The following SH2D3C variants were observed in gnomAD, a reference collection of about 807,000 sequenced individuals.
SH2D3C encodes SH2 domain containing 3C, also known as SH2 domain-containing protein 3C.
A neutral mutation model predicts 75.2 loss-of-function variants in SH2D3C; 25 were observed. That is an observed-to-expected ratio of 0.33 (90% confidence interval 0.24 to 0.46). SH2D3C has a LOEUF of 0.46. SH2D3C is among the 20% of genes least tolerant of loss of function. The pLI, the probability that SH2D3C is intolerant of heterozygous loss-of-function variation, is 1.00. For missense variants in SH2D3C, 933 were observed against 1,165.3 expected, an observed-to-expected ratio of 0.80 and a Z score of 2.90; for synonymous variants, 450 against 473.7, an observed-to-expected ratio of 0.95 and a Z score of 0.65.
At position 127,771,190 on chromosome 9, in the gene SH2D3C, G is replaced by C. The variant is rs367582465; in HGVS notation, c.515+2800C>G. On this transcript the variant is annotated intron_variant, in intron 2 of 11. Transcript: ENST00000314830. Reference sequence around the variant, plus strand: ...AGGCCCAGCTCGGTCACTCACCCTCGGGACCCCAGCGCGGGGCACCTTCGG... The same window carrying C: ...AGGCCCAGCTCGGTCACTCACCCTCCGGACCCCAGCGCGGGGCACCTTCGG... 3 of 1,542,954 alleles carry C rather than the reference G, an allele frequency of 1.9e-6. No homozygotes were observed. In the African/African-American group the frequency reaches 4.1e-5, roughly 21 times the overall value.
Position 127,742,953 on chromosome 9 carries a change from T to G in SH2D3C, c.1812A>C (p.Ile604=), listed in dbSNP as rs191866782. The change falls in exon 8 of 12, where the codon ATA becomes ATC. Residue 604 remains isoleucine (I), a synonymous_variant. Coordinates refer to ENST00000314830, the MANE Select transcript of SH2D3C (RefSeq NM_170600.3). Reference sequence around the variant, plus strand: ...TCTGCATCTCCTTGGTAACGCCCAGTATCCTAGCAACCTGCAAAGACGCCC... The same window carrying G: ...TCTGCATCTCCTTGGTAACGCCCAGGATCCTAGCAACCTGCAAAGACGCCC... ...VTKVDCLVAR[I]LGVTKEMQTL... The G allele has an allele frequency of 6.2e-7, 1 of 1,613,380 alleles. No individual in the cohort carries two copies. Among genetic ancestry groups the G allele is most frequent in the Admixed American group, 1.7e-5 (1 of 59,990 alleles).
At chr9:127,744,510 C>T (rs1282441964) in intron 7 of SH2D3C, 54 bp downstream of exon 7, 79 of 1,543,568 alleles carry the variant, frequency 5.1e-5, no homozygotes, top group Non-Finnish European at 4.4e-6. Flanking sequence ...TCTCACTGCC[C>T]TGCCCCACAG....
intron 2 of SH2D3C, among the ~76,000 whole-genome samples, chr9:127,764,718 T>C (rs575532334): frequency 3.3e-5 from 5 of 152,302 alleles, no homozygotes; most frequent in East Asian, 1.9e-4. Context: ...GTTGTTGTTG[T>C]TGCTGTTGAG....
Position 127,774,180 on chromosome 9 carries a change from C to T in SH2D3C, c.325G>A (p.Gly109Arg), listed in dbSNP as rs375857347. ...EAGPKPNLVP[G>R]GVPDPPGLEA... ...AAGCCTGGGGGGTCGGGTACACCTC[C>T]GGGTACCAAGTTGGGCTTGGGACCC... Residue 109 changes from glycine (G) to arginine (R), a missense_variant, in exon 2 of 12, where the codon GGA becomes AGA. By Grantham distance (125) the Gly-to-Arg change is moderately radical. Transcript: ENST00000314830. This position sits in a 1 kb window ranked among gnomAD's most constrained non-coding sequence, Gnocchi z 4.3. 1.6e-5 allele frequency: 26 copies of T among 1,613,814 alleles called. No homozygotes were observed. The highest frequency in any genetic ancestry group is 6.7e-5 in the East Asian group (3 of 44,882).
chr9:127,769,314 T>A (rs1356198995), intron 2 of SH2D3C, among the ~76,000 whole-genome samples: 1 of 152,212 alleles, frequency 6.6e-6, no homozygotes, highest in Non-Finnish European at 1.5e-5. Flanking sequence ...ATGGGCTCCT[T>A]TCCAGAGAGT....
intron 2 of SH2D3C, among the ~76,000 whole-genome samples, chr9:127,773,605 T>C (rs1002884633): frequency 2.0e-5 from 3 of 152,096 alleles, no homozygotes; most frequent in African/African-American, 7.2e-5. Flanking sequence ...AAGCACCTGG[T>C]CAATGTGTAG....
chr9:127,761,866 G>A (rs954671685), intron 2 of SH2D3C, among the ~76,000 whole-genome samples: 6 of 152,158 alleles, frequency 3.9e-5, no homozygotes, highest in Non-Finnish European at 7.4e-5. Flanking sequence ...CCTGCATTTC[G>A]TATCTGTAAA....
In SH2D3C at chr9:127,739,342, C is replaced by T. The variant is rs1844778625; in HGVS notation, c.2407+340G>A. ...GGCCCAACATGGTGGAACCCCACCT[C>T]TACTAAAAATACAAAAAATTGGCCA... is the stretch of plus-strand genomic sequence containing the variant. On this transcript the variant is annotated intron_variant, in intron 11 of 11. Transcript: ENST00000314830. The surrounding 1 kb of genome is among the most constrained non-coding windows in gnomAD (Gnocchi z 4.3). Among the ~76,000 whole-genome samples the T allele has an allele frequency of 6.6e-6, 1 of 151,918 alleles. No homozygotes were observed. The highest frequency in any genetic ancestry group is 1.5e-5 in the Non-Finnish European group (1 of 67,980).
chr9:127,750,140 TTTA>T (rs1005620219), intron 4 of SH2D3C, among the ~76,000 whole-genome samples: 5 of 150,428 alleles, frequency 3.3e-5, no homozygotes, highest in East Asian at 1.9e-4. Flanking sequence ...GATGAACTTC[TTTA>T]TTATTATTAT....
At chr9:127,744,072 C>CTTTTT (rs34636940) in intron 7 of SH2D3C, among the ~76,000 whole-genome samples, 1 of 114,562 alleles carries the variant, frequency 8.7e-6, no homozygotes, top group Non-Finnish European at 1.7e-5. Flanking sequence ...ATCTTATGTG[C>CTTTTT]TTTTTTTTTT....
Position 127,751,793 on chromosome 9 carries a change from C to A in SH2D3C, c.556-493G>T, listed in dbSNP as rs940439393. 6.6e-6 allele frequency among the ~76,000 whole-genome samples: 1 copy of A among 152,154 alleles called. No homozygotes were observed. Among genetic ancestry groups the A allele is most frequent in the Non-Finnish European group, 1.5e-5 (1 of 68,028 alleles). Reference sequence around the variant, plus strand: ...TTCTTGAAGTGTTGGAGGGGGATTTCTACAGGTGAATCTTGGAGGTAAGGC... The same window carrying A: ...TTCTTGAAGTGTTGGAGGGGGATTTATACAGGTGAATCTTGGAGGTAAGGC... On this transcript the variant is annotated intron_variant, in intron 3 of 11. Coordinates refer to ENST00000314830, the MANE Select transcript of SH2D3C (RefSeq NM_170600.3). The surrounding 1 kb of genome is among the most constrained non-coding windows in gnomAD (Gnocchi z 4.1).
intron 2 of SH2D3C, among the ~76,000 whole-genome samples, chr9:127,770,812 C>T (rs1048582606): frequency 1.3e-5 from 2 of 152,194 alleles, no homozygotes; most frequent in African/African-American, 4.8e-5. Flanking sequence ...TTCTCAAGAC[C>T]ACCTTTCTCA....
At position 127,747,131 on chromosome 9, in the gene SH2D3C, C is replaced by T. The variant is rs755369963; in HGVS notation, c.1264+16G>A. 1.9e-6 allele frequency: 3 copies of T among 1,610,898 alleles called. No individual in the cohort carries two copies. The highest frequency in any genetic ancestry group is 2.7e-5 in the African/African-American group (2 of 74,908). On this transcript the variant is annotated intron_variant, in intron 6 of 11. Coordinates refer to ENST00000314830, the MANE Select transcript of SH2D3C (RefSeq NM_170600.3). ...CAGATTCCCTCCACCTGCTCCACCC[C>T]CTCTGCTGGCCATACCAGTGCTGTA... is the stretch of plus-strand genomic sequence containing the variant.
rs934444276 is a variant in SH2D3C at position 127,754,521 on chromosome 9, G to T, written c.556-3221C>A. Among the ~76,000 whole-genome samples, 3 of 152,032 alleles carry T rather than the reference G, an allele frequency of 2.0e-5. No individual in the cohort carries two copies. The highest frequency in any genetic ancestry group is 7.2e-5 in the African/African-American group (3 of 41,408). ...CGTTTAACCCTCTCACCGCCGCGGC[G>T]CCGTCCTGCACTGCCCGGCCAGCTG... On this transcript the variant is annotated intron_variant, in intron 3 of 11. Transcript: ENST00000314830. The surrounding 1 kb of genome is among the most constrained non-coding windows in gnomAD (Gnocchi z 4.4).
intron 2 of SH2D3C, chr9:127,767,029 C>T: frequency 6.5e-7 from 1 of 1,536,222 alleles, no homozygotes; most frequent in Non-Finnish European, 8.7e-7. Context: ...GTGGGATTCC[C>T]TGCCGGGAAG....
intron 9 of SH2D3C, 112 bp from the exon 10 acceptor site, chr9:127,740,481 T>C: frequency 1.5e-6 from 1 of 671,538 alleles, no homozygotes; most frequent in Admixed American, 2.4e-5. Context: ...ATTATGGCCA[T>C]CCTTCATGTA....
chr9:127,749,287 T>A lies in SH2D3C; in HGVS notation c.1063A>T (p.Met355Leu), dbSNP rs146487344. The A allele has an allele frequency of 3.1e-6, 5 of 1,608,454 alleles. No homozygotes were observed. The African/African-American group carries it at 6.7e-5, about 21-fold the overall frequency. ...GTCATGGTGACGCTGCGCCGCTTCA[T>A]GTGGCTGCCCTTGGGGCCTGAGGGG... ...VSPSGPKGSH[M>L]KRRSVTMTDG... The change falls in exon 5 of 12, where the codon ATG becomes TTG. Residue 355 changes from methionine to leucine, a missense_variant. Physicochemically the swap from Met to Leu is conservative, Grantham distance 15. Transcript: ENST00000314830. This position sits in a 1 kb window ranked among gnomAD's most constrained non-coding sequence, Gnocchi z 5.9.
chr9:127,773,408 G>A (rs949613947), intron 2 of SH2D3C, among the ~76,000 whole-genome samples: 1 of 152,138 alleles, frequency 6.6e-6, no homozygotes, highest in Non-Finnish European at 1.5e-5. Context: ...GGACTTTGAA[G>A]GCAGGGGGTC....
Position 127,749,782 on chromosome 9 carries a change from A to G in SH2D3C, c.685-117T>C, listed in dbSNP as rs1448828444. On this transcript the variant is annotated intron_variant, in intron 4 of 11. Transcript: ENST00000314830. The surrounding 1 kb of genome is among the most constrained non-coding windows in gnomAD (Gnocchi z 5.9). ...CACAGCAAGACCAGACCCAGGGCAT[A>G]GAGGACCCAATGAACAGAGACATCT... 2 of 666,212 alleles carry G rather than the reference A, an allele frequency of 3.0e-6. No individual in the cohort carries two copies. The highest frequency in any genetic ancestry group is 5.3e-6 in the Non-Finnish European group (2 of 376,866). The allele number at this position is 666,212 out of a possible 1,614,324, so 41.3% of individuals were successfully genotyped here.
Sources: allele counts gnomAD v4.1 joint callset (sites outside exome capture counted in the v4.1 genomes callset), GRCh38; gene constraint gnomAD v4.1.1; non-coding constraint Gnocchi (gnomAD v3.1); transcripts MANE v1.5; gene names NCBI Gene and HGNC (gene_info 2026-07-23, HGNC 2026-07-21).